The following KCND2 variants were observed in gnomAD, a reference collection of about 807,000 sequenced individuals.
The protein encoded by KCND2 is A-type voltage-gated potassium channel KCND2.
A neutral mutation model predicts 54.4 loss-of-function variants in KCND2; 16 were observed. The ratio of observed to expected loss-of-function variants is 0.29; its 90% confidence interval spans 0.20 to 0.45. KCND2 has a LOEUF of 0.45. Among genes scored for constraint, KCND2 ranks in the 20% least tolerant of loss-of-function variants. KCND2 has a pLI of 1.00. For missense variants in KCND2, 486 were observed against 824.2 expected (o/e 0.59, Z 5.02); for synonymous variants, 317 against 310.7 (o/e 1.02, Z -0.21).
chr7:120,370,691 G>C (rs2115998134), intron 1 of KCND2, among the ~76,000 whole-genome samples: 1 of 152,076 alleles, frequency 6.6e-6, no homozygotes, highest in Admixed American at 6.6e-5. Context: ...GCAAAGCACA[G>C]AAAAATCAGT....
At chr7:120,531,633 C>G (rs915574331) in intron 1 of KCND2, among the ~76,000 whole-genome samples, 2 of 152,110 alleles carry the variant, frequency 1.3e-5, no homozygotes, top group African/African-American at 4.8e-5. Context: ...GAAGCCCACT[C>G]TCCTCTTGAA....
At chr7:120,480,528 C>A (rs952198143) in intron 1 of KCND2, among the ~76,000 whole-genome samples, 3 of 152,136 alleles carry the variant, frequency 2.0e-5, no homozygotes, top group African/African-American at 7.2e-5. Flanking sequence ...CTAAATTATT[C>A]TTTTACCACA....
chr7:120,393,668 T>A (rs1801111109), intron 1 of KCND2, among the ~76,000 whole-genome samples: 1 of 152,018 alleles, frequency 6.6e-6, no homozygotes. Context: ...CTGATCAGTT[T>A]GTCTTGGTGT....
intron 1 of KCND2, among the ~76,000 whole-genome samples, chr7:120,638,971 C>T (rs1793339371): frequency 6.6e-6 from 1 of 152,084 alleles, no homozygotes; most frequent in South Asian, 2.1e-4. Flanking sequence ...TATCACTTTA[C>T]CAAATTCCTC....
chr7:120,360,858 A>C (rs1346656132), intron 1 of KCND2, among the ~76,000 whole-genome samples: 1 of 152,158 alleles, frequency 6.6e-6, no homozygotes, highest in African/African-American at 2.4e-5. Flanking sequence ...TTACTTATTT[A>C]CTTCATCAGA....
At chr7:120,640,241 C>G (rs1793354765) in intron 1 of KCND2, among the ~76,000 whole-genome samples, 1 of 152,048 alleles carries the variant, frequency 6.6e-6, no homozygotes, top group Admixed American at 6.6e-5. Context: ...CACCAAAGTA[C>G]TAAAATATGT....
At chr7:120,437,327 G>A (rs564086933) in intron 1 of KCND2, among the ~76,000 whole-genome samples, 6 of 149,808 alleles carry the variant, frequency 4.0e-5, no homozygotes, top group East Asian at 2.0e-4. Context: ...CTCAGCCTCC[G>A]GAGTAGCTGG....
At chr7:120,659,257 C>A (rs1238657562) in intron 1 of KCND2, among the ~76,000 whole-genome samples, 1 of 152,148 alleles carries the variant, frequency 6.6e-6, no homozygotes, top group Non-Finnish European at 1.5e-5. Context: ...GATGGCACGT[C>A]TTTGGATTCT....
intron 1 of KCND2, among the ~76,000 whole-genome samples, chr7:120,672,458 T>C (rs1649794212): frequency 6.6e-6 from 1 of 152,080 alleles, no homozygotes; most frequent in Non-Finnish European, 1.5e-5. Flanking sequence ...GCCTTTGTTG[T>C]CTTTTATAAC....
At chr7:120,673,167 T>C (rs1371098034) in intron 1 of KCND2, among the ~76,000 whole-genome samples, 1 of 152,078 alleles carries the variant, frequency 6.6e-6, no homozygotes, top group Non-Finnish European at 1.5e-5. Flanking sequence ...AACACCTTGA[T>C]CTTGGACTTC....
chr7:120,602,827 A>T (rs1364121871), intron 1 of KCND2, among the ~76,000 whole-genome samples: 8 of 152,202 alleles, frequency 5.3e-5, no homozygotes. Flanking sequence ...AAAGTAGAGA[A>T]GATAGCAATA....
intron 1 of KCND2, among the ~76,000 whole-genome samples, chr7:120,688,215 G>T (rs538405790): frequency 5.9e-5 from 9 of 152,116 alleles, no homozygotes; most frequent in Admixed American, 5.2e-4. Context: ...CTATACTAAG[G>T]GTCTACAAAC....
chr7:120,497,255 A>C (rs1432380867), intron 1 of KCND2, among the ~76,000 whole-genome samples: 2 of 152,214 alleles, frequency 1.3e-5, no homozygotes, highest in Non-Finnish European at 2.9e-5. Context: ...GCTGTGGACA[A>C]GCTTTCAATG....
intron 1 of KCND2, among the ~76,000 whole-genome samples, chr7:120,464,461 A>G (rs554805971): frequency 1.5e-4 from 23 of 152,288 alleles, no homozygotes; most frequent in South Asian, 1.2e-3. Context: ...TGAAGGAGAT[A>G]GTTGGAGCAG....
At chr7:120,727,863 C>T (rs767313430) in intron 1 of KCND2, among the ~76,000 whole-genome samples, 5 of 151,860 alleles carry the variant, frequency 3.3e-5, no homozygotes, top group Non-Finnish European at 5.9e-5. Flanking sequence ...GGGCCGGGCA[C>T]GGTGGCTCAC....
At chr7:120,391,087 G>A (rs1043857345) in intron 1 of KCND2, among the ~76,000 whole-genome samples, 1 of 151,964 alleles carries the variant, frequency 6.6e-6, no homozygotes, top group African/African-American at 2.4e-5. Flanking sequence ...TGCCCAACAG[G>A]CCCTGGTATG....
intron 1 of KCND2, among the ~76,000 whole-genome samples, chr7:120,596,830 C>A (rs1792751850): frequency 6.6e-6 from 1 of 152,168 alleles, no homozygotes; most frequent in African/African-American, 2.4e-5. Flanking sequence ...AAAACAAGTG[C>A]ACATGTGATT....
At chr7:120,544,144 A>C (rs1163908235) in intron 1 of KCND2, among the ~76,000 whole-genome samples, 1 of 152,000 alleles carries the variant, frequency 6.6e-6, no homozygotes, top group Non-Finnish European at 1.5e-5. Context: ...GAAAAAATGA[A>C]GATGTTTTTA....
At chr7:120,690,578 G>A (rs370075853) in intron 1 of KCND2, among the ~76,000 whole-genome samples, 23 of 152,080 alleles carry the variant, frequency 1.5e-4, no homozygotes, top group Admixed American at 4.6e-4. Context: ...CCATTCACCT[G>A]GTGAAGGGCA....
Sources: gnomAD v4.1 joint callset for allele counts (sites outside exome capture counted in the v4.1 genomes callset) on GRCh38, gnomAD v4.1.1 for gene constraint, MANE v1.5 for transcripts, NCBI Gene and HGNC (gene_info 2026-07-23, HGNC 2026-07-21) for gene names.